Variants in SHTN1 observed in about 807,000 individuals in gnomAD.
SHTN1 encodes the protein shootin-1.
A neutral mutation model predicts 83.1 loss-of-function variants in SHTN1; 42 were observed. The observed-to-expected ratio is 0.51, with a 90% CI of 0.39 to 0.65. The LOEUF is 0.65. SHTN1 is among the 30% of genes least tolerant of loss of function. SHTN1 has a pLI of 0.00. For synonymous variants in SHTN1, 224 were observed against 247.7 expected (o/e 0.90, Z 0.90); for missense variants, 622 against 737.8 (o/e 0.84, Z 1.82).
chr10:117,071,840 C>T (rs1853085004), intron 1 of SHTN1, among the ~76,000 whole-genome samples: 4 of 152,270 alleles, frequency 2.6e-5, no homozygotes, highest in Admixed American at 1.3e-4. Flanking sequence ...TGTTGCAAAT[C>T]CTGCTGTTGT....
upstream of SHTN1, chr10:117,005,602 C>T: frequency 1.0e-6 from 1 of 989,578 alleles, no homozygotes; most frequent in Non-Finnish European, 1.2e-6. Flanking sequence ...TGGGCTTCTT[C>T]CCTAGTTTTC....
At chr10:117,023,441 C>T (rs1365660635) in intron 2 of SHTN1, among the ~76,000 whole-genome samples, 3 of 152,134 alleles carry the variant, frequency 2.0e-5, no homozygotes, top group Admixed American at 6.6e-5. Context: ...ATGAAATTCT[C>T]TGAATGTGCA....
At chr10:117,103,733 T>C (rs1198388582) in intron 1 of SHTN1, among the ~76,000 whole-genome samples, 1 of 151,968 alleles carries the variant, frequency 6.6e-6, no homozygotes, top group Non-Finnish European at 1.5e-5. Context: ...AGATGGGGTT[T>C]CACTGTGTTA....
chr10:117,104,148 C>T (rs1853641451), intron 1 of SHTN1, among the ~76,000 whole-genome samples: 1 of 151,996 alleles, frequency 6.6e-6, no homozygotes, highest in Non-Finnish European at 1.5e-5. Flanking sequence ...TTTTTTACCT[C>T]ATTTTTTTTT....
At position 117,084,961 on chromosome 10, in the gene SHTN1, G is replaced by A. The variant is rs559474740; in HGVS notation, c.-188-36451C>T. On this transcript the variant is annotated intron_variant, in intron 1 of 17. Transcript: ENST00000392901. ...TGGCACTCCCTAGTGAGATGAACCC[G>A]GTACCTCAGATGGAAATGCAGAAAT... 1.6e-3 allele frequency among the ~76,000 whole-genome samples: 241 copies of A among 152,138 alleles called. 2 individuals are homozygous for A. The highest frequency in any genetic ancestry group is 5.3e-3 in the African/African-American group (222 of 41,524).
Position 117,060,053 on chromosome 10 carries a change from A to T in SHTN1, c.-188-11543T>A, listed in dbSNP as rs564460520. Among the ~76,000 whole-genome samples, 180 of 151,910 alleles carry T rather than the reference A, an allele frequency of 1.2e-3. 1 individual carries two copies. The highest frequency in any genetic ancestry group is 2.2e-3 in the Non-Finnish European group (149 of 67,948). On this transcript the variant is annotated intron_variant, in intron 1 of 17. Transcript: ENST00000392901. ...CAGCCAAACTCCATCCCTAAAAAAAATTTTTTTTAATTAGCCAGGCATGGT... is the reference window on the plus strand; with the variant it reads ...CAGCCAAACTCCATCCCTAAAAAAATTTTTTTTTAATTAGCCAGGCATGGT...
chr10:116,898,119 G>A (rs558514732), intron 16 of SHTN1, among the ~76,000 whole-genome samples: 2 of 152,212 alleles, frequency 1.3e-5, no homozygotes, highest in Admixed American at 6.5e-5. Flanking sequence ...CCTGAGGTCA[G>A]GAGTTCAAGA....
At chr10:117,055,262 G>A (rs142491341) in intron 1 of SHTN1, among the ~76,000 whole-genome samples, 1 of 152,206 alleles carries the variant, frequency 6.6e-6, no homozygotes, top group East Asian at 1.9e-4. Flanking sequence ...ACGAGATTTG[G>A]GTGAGGACAC....
intron 16 of SHTN1, chr10:116,901,251 A>C (rs992298679): frequency 1.0e-6 from 1 of 985,220 alleles, no homozygotes; most frequent in Non-Finnish European, 1.2e-6. Context: ...TGACAATCAA[A>C]GTGCCACTCT....
At position 117,069,344 on chromosome 10, in the gene SHTN1, G is replaced by C. The variant is rs1218802801; in HGVS notation, c.-188-20834C>G. Reference sequence around the variant, plus strand: ...TTAGAGCAAGCTGAAGAACGAGTGGGAAGTGAGGAAGAGGTGAAAGATGTA... The same window carrying C: ...TTAGAGCAAGCTGAAGAACGAGTGGCAAGTGAGGAAGAGGTGAAAGATGTA... On this transcript the variant is annotated intron_variant, in intron 1 of 17. Coordinates refer to the SHTN1 transcript ENST00000392901. Among the ~76,000 whole-genome samples, 3 of 152,290 alleles carry C rather than the reference G, an allele frequency of 2.0e-5. No homozygotes were observed. In the South Asian group the frequency reaches 6.2e-4, roughly 32 times the overall value.
chr10:116,934,014 T>A (rs1849064640), intron 9 of SHTN1, among the ~76,000 whole-genome samples: 1 of 151,504 alleles, frequency 6.6e-6, no homozygotes, highest in African/African-American at 2.4e-5. Flanking sequence ...TTGATGAGAT[T>A]TTTTTTTCTT....
chr10:116,881,565 G>T lies in SHTN1; in HGVS notation c.*4779C>A. On this transcript the variant is annotated 3_prime_UTR_variant, in exon 17 of 17. Transcript: ENST00000355371. Reference sequence around the variant, plus strand: ...TTACTTTAATGAGGAAGCTGAAAAGGCTGCGGAGGCACTTGAGGCTGCTGC... The same window carrying T: ...TTACTTTAATGAGGAAGCTGAAAAGTCTGCGGAGGCACTTGAGGCTGCTGC... The T allele has an allele frequency of 6.5e-7, 1 of 1,550,162 alleles. No homozygotes were observed. Among genetic ancestry groups the T allele is most frequent in the Non-Finnish European group, 8.7e-7 (1 of 1,146,832 alleles).
In SHTN1 at chr10:116,882,410, A is replaced by G. The variant is rs2133288431; in HGVS notation, c.*3934T>C. ...AATCCGCAAGTGATAAAAAAAAAAA[A>G]AAAAAATGATGTGACATATCCATTG... is the stretch of plus-strand genomic sequence containing the variant. On this transcript the variant is annotated 3_prime_UTR_variant, in exon 17 of 17. Transcript: ENST00000355371. 1 of 132,112 alleles carries G rather than the reference A, an allele frequency of 7.6e-6. No individual in the cohort carries two copies. The highest frequency in any genetic ancestry group is 2.8e-4 in the South Asian group (1 of 3,542). The allele number at this position is 132,112 out of a possible 1,614,324, so 8.2% of individuals were successfully genotyped here. A position where few individuals can be genotyped will look rare whatever the true frequency, so the allele number is the denominator to read the frequency against.
In SHTN1 at chr10:116,885,933, T is replaced by C. The variant is rs143097571; in HGVS notation, c.*411A>G. On this transcript the variant is annotated 3_prime_UTR_variant, in exon 17 of 17. Coordinates refer to ENST00000355371, the MANE Select transcript of SHTN1 (RefSeq NM_001127211.3). ...ATCAGACCCAAAACAGAAGCTTCTT[T>C]GGGGGCTTTTAAAATCACATTGGGT... 273 of 168,002 alleles carry C rather than the reference T, an allele frequency of 1.6e-3. 4 individuals carry two copies. Among genetic ancestry groups the C allele is most frequent in the African/African-American group, 6.4e-3 (267 of 41,778 alleles). 10.4% of individuals were successfully genotyped at this position (168,002 alleles called of 1,614,324 possible). A position where few individuals can be genotyped will look rare whatever the true frequency, so the allele number is the denominator to read the frequency against.
intron 2 of SHTN1, among the ~76,000 whole-genome samples, chr10:117,048,275 T>G (rs372643296): frequency 7.2e-4 from 109 of 152,300 alleles, no homozygotes; most frequent in African/African-American, 2.4e-3. Flanking sequence ...CCAGCATAAC[T>G]TATCTGGATA....
intron 3 of SHTN1, among the ~76,000 whole-genome samples, chr10:116,966,136 T>C (rs1850385475): frequency 6.6e-6 from 1 of 152,154 alleles, no homozygotes; most frequent in African/African-American, 2.4e-5. Context: ...TAGTCCAAAA[T>C]AGCTAGGACT....
chr10:116,960,263 T>A, intron 3 of SHTN1, 33 bp from the exon 4 acceptor site: 1 of 1,221,024 alleles, frequency 8.2e-7, no homozygotes. Context: ...ATCTCAGCAT[T>A]CAAAGATTAG....
chr10:117,103,081 T>G (rs2133631189), intron 1 of SHTN1, among the ~76,000 whole-genome samples: 1 of 152,282 alleles, frequency 6.6e-6, no homozygotes, highest in Admixed American at 6.5e-5. Context: ...TTTGTTTTGT[T>G]TTTGTTGTTG....
intron 1 of SHTN1, among the ~76,000 whole-genome samples, chr10:116,990,034 C>A (rs1341414788): frequency 6.6e-6 from 1 of 152,112 alleles, no homozygotes; most frequent in African/African-American, 2.4e-5. Context: ...AAAGATAATT[C>A]TTACAAAGGC....
Sources: gnomAD v4.1 joint callset for allele counts (sites outside exome capture counted in the v4.1 genomes callset) on GRCh38, gnomAD v4.1.1 for gene constraint, MANE v1.5 for transcripts, NCBI Gene and HGNC (gene_info 2026-07-23, HGNC 2026-07-21) for gene names.